The following PTCHD4 variants were observed in gnomAD, a reference collection of about 807,000 sequenced individuals.
PTCHD4 encodes patched domain containing 4.
PTCHD4 carries 33 observed loss-of-function variants against 58.1 expected under a neutral mutation model. That is an observed-to-expected ratio of 0.57 (90% CI 0.43 to 0.76). PTCHD4 has a LOEUF of 0.76. Among genes scored for constraint, PTCHD4 ranks in the 30% least tolerant of loss-of-function variants. The pLI is 0.00. For missense variants in PTCHD4, 1,058 were observed against 1,027.1 expected (o/e 1.03, Z -0.41); for synonymous variants, 478 against 409.6 (o/e 1.17, Z -2.02).
chr6:47,915,936 C>T (rs1014833043), intron 4 of PTCHD4, among the ~76,000 whole-genome samples: 3 of 152,084 alleles, frequency 2.0e-5, no homozygotes, highest in Admixed American at 2.0e-4. Context: ...ATCCTTTATA[C>T]ACACTGCTGA....
At chr6:48,083,761 C>T (rs529385287) in intron 1 of PTCHD4, among the ~76,000 whole-genome samples, 27 of 152,188 alleles carry the variant, frequency 1.8e-4, no homozygotes, top group Non-Finnish European at 3.1e-4. Flanking sequence ...TAAGATTAGC[C>T]CCTGGCTGAC....
chr6:47,978,553 C>G (rs929247522), intron 4 of PTCHD4, among the ~76,000 whole-genome samples: 3 of 152,238 alleles, frequency 2.0e-5, no homozygotes, highest in African/African-American at 7.2e-5. Flanking sequence ...GACATAAGAA[C>G]TAAGTTATAC....
rs1763832956 is a variant in PTCHD4, at chr6:47,875,846, A to G, written c.*2457T>C. ...CCTGCCATTCTTCTTTGCATGCAGA[A>G]TGGTCTATAGGAACCAAGAAAAAAC... On this transcript the variant is annotated 3_prime_UTR_variant, in exon 5 of 5. Transcript: ENST00000339488. 3.9e-5 allele frequency among the ~76,000 whole-genome samples: 6 copies of G among 151,936 alleles called. No individual in the cohort carries two copies. The South Asian group carries it at 8.3e-4, about 21-fold the overall frequency.
intron 4 of PTCHD4, among the ~76,000 whole-genome samples, chr6:47,954,167 G>T (rs1389071570): frequency 6.6e-6 from 1 of 152,038 alleles, no homozygotes; most frequent in Admixed American, 6.6e-5. Context: ...GACCAGCTTG[G>T]CCAACATACT....
chr6:47,999,357 T>C (rs920267848), intron 4 of PTCHD4, among the ~76,000 whole-genome samples: 3 of 152,148 alleles, frequency 2.0e-5, no homozygotes, highest in Non-Finnish European at 4.4e-5. Context: ...CAAAGTAGCA[T>C]GACTACAACT....
At chr6:48,085,184 C>G (rs1016845566) in intron 1 of PTCHD4, among the ~76,000 whole-genome samples, 1 of 152,086 alleles carries the variant, frequency 6.6e-6, no homozygotes. Flanking sequence ...ATATTTTCTG[C>G]AAAGTACCTG....
At chr6:48,086,164 A>G (rs932898728) in intron 1 of PTCHD4, among the ~76,000 whole-genome samples, 13 of 152,188 alleles carry the variant, frequency 8.5e-5, no homozygotes, top group African/African-American at 3.1e-4. Context: ...CACATACTCG[A>G]CTCTGATGTA....
intron 4 of PTCHD4, among the ~76,000 whole-genome samples, chr6:47,952,796 C>T (rs149785064): frequency 2.6e-3 from 399 of 152,080 alleles, no homozygotes; most frequent in Non-Finnish European, 3.9e-3. Context: ...GTGCACTGTA[C>T]GGTGTTTGCA....
At position 48,017,174 on chromosome 6, in the gene PTCHD4, G is replaced by A. The variant is rs114141191; in HGVS notation, c.418-8060C>T. Among the ~76,000 whole-genome samples, 698 of 151,694 alleles carry A rather than the reference G, an allele frequency of 4.6e-3. 14 individuals are homozygous for A. Among genetic ancestry groups the A allele is most frequent in the African/African-American group, 0.016 (667 of 41,320 alleles). The stretch of plus-strand genomic sequence containing the variant: ...TATATATCTTTGTTTTATTACCAGG[G>A]TCAAGTATATACATAAACTAGGATT... On this transcript the variant is annotated intron_variant, in intron 3 of 4. Coordinates refer to ENST00000339488, the MANE Select transcript of PTCHD4 (RefSeq NM_001384253.1).
At position 47,867,947 on chromosome 6, in the gene PTCHD4, T is replaced by C. The variant is rs952498019; in HGVS notation, c.*10356A>G. ...CATCTAGGGGTACTTCAGAAACCCATCTACATCAAATCTTGATCCTAAAAT... is the reference window on the plus strand; with the variant it reads ...CATCTAGGGGTACTTCAGAAACCCACCTACATCAAATCTTGATCCTAAAAT... On this transcript the variant is annotated 3_prime_UTR_variant, in exon 5 of 5. Transcript: ENST00000339488. 2.0e-5 allele frequency among the ~76,000 whole-genome samples: 3 copies of C among 151,698 alleles called. No individual in the cohort carries two copies. Among genetic ancestry groups the C allele is most frequent in the Middle Eastern group, 3.2e-3 (1 of 316 alleles).
At chr6:48,038,326 G>A (rs1763719341) in intron 3 of PTCHD4, among the ~76,000 whole-genome samples, 1 of 152,032 alleles carries the variant, frequency 6.6e-6, no homozygotes. Context: ...ATGTAATTTG[G>A]GTTCTAAGGA....
At chr6:48,086,273 G>A (rs1404273728) in intron 1 of PTCHD4, among the ~76,000 whole-genome samples, 1 of 152,116 alleles carries the variant, frequency 6.6e-6, no homozygotes, top group Non-Finnish European at 1.5e-5. Context: ...ATTTCATACA[G>A]TTTTCACTTG....
chr6:48,048,865 C>T (rs1371989595), intron 3 of PTCHD4, among the ~76,000 whole-genome samples: 2 of 151,956 alleles, frequency 1.3e-5, no homozygotes, highest in Admixed American at 1.3e-4. Flanking sequence ...GTGAGTGTTT[C>T]TTAGTGGCTT....
intron 1 of PTCHD4, among the ~76,000 whole-genome samples, chr6:48,106,872 A>C (rs551136761): frequency 4.6e-5 from 7 of 152,296 alleles, no homozygotes; most frequent in Non-Finnish European, 7.4e-5. Context: ...AGAATAAAAT[A>C]CCTAGGAATC....
chr6:47,969,264 C>A (rs1184427246), intron 4 of PTCHD4, among the ~76,000 whole-genome samples: 2 of 152,162 alleles, frequency 1.3e-5, no homozygotes, highest in Non-Finnish European at 2.9e-5. Context: ...TTGTATTTTC[C>A]TCTTGTGTAC....
rs1291238179 is a variant in PTCHD4 at position 48,069,485 on chromosome 6, C to T, written c.-528G>A. Among the ~76,000 whole-genome samples the T allele has an allele frequency of 6.6e-6, 1 of 152,160 alleles. No individual in the cohort carries two copies. The highest frequency in any genetic ancestry group is 2.4e-5 in the African/African-American group (1 of 41,428). ...AGAGGATGATGCTGCATTTTTAACA[C>T]ACCACACAGCATGCAAGGGATTTCC... On this transcript the variant is annotated 5_prime_UTR_variant, in exon 2 of 5. In the 5' UTR this introduces an upstream ATG that the reference lacks. Transcript: ENST00000339488.
chr6:47,871,646 A>G lies in PTCHD4; in HGVS notation c.*6657T>C, dbSNP rs1200454392. On this transcript the variant is annotated 3_prime_UTR_variant, in exon 5 of 5. Transcript: ENST00000339488. Reference sequence around the variant, plus strand: ...GTCTAATTTGATAAAGTGAATGAGCATCAAGGAAAGGTGATAAATAATATT... The same window carrying G: ...GTCTAATTTGATAAAGTGAATGAGCGTCAAGGAAAGGTGATAAATAATATT... Among the ~76,000 whole-genome samples the G allele has an allele frequency of 6.6e-6, 1 of 151,704 alleles. No homozygotes were observed. The highest frequency in any genetic ancestry group is 1.5e-5 in the Non-Finnish European group (1 of 67,746).
intron 4 of PTCHD4, among the ~76,000 whole-genome samples, chr6:47,995,292 C>T (rs78076759): frequency 0.013 from 2,043 of 152,234 alleles, 23 homozygotes; most frequent in Non-Finnish European, 0.02. Context: ...GTTTTACATA[C>T]ACAGAAGTTT....
intron 4 of PTCHD4, among the ~76,000 whole-genome samples, chr6:47,961,183 A>T (rs1767076850): frequency 6.6e-6 from 1 of 152,096 alleles, no homozygotes; most frequent in Admixed American, 6.5e-5. Context: ...AATAACAAAA[A>T]TTGTTGAGCT....
Sources: gnomAD v4.1 joint callset for allele counts (sites outside exome capture counted in the v4.1 genomes callset) on GRCh38, gnomAD v4.1.1 for gene constraint, MANE v1.5 for transcripts, NCBI Gene and HGNC (gene_info 2026-07-23, HGNC 2026-07-21) for gene names.